The following GRID2 variants were observed in gnomAD, a reference collection of about 807,000 sequenced individuals.
GRID2 encodes the protein glutamate receptor ionotropic, delta-2.
In GRID2, 33 loss-of-function variants were observed where a neutral mutation model predicts 114.8. That is an observed-to-expected ratio of 0.29 (90% CI 0.22 to 0.38). The LOEUF is 0.38. Ranked by LOEUF, GRID2 falls within the 10% of genes least tolerant of loss-of-function variation. GRID2 has a pLI of 1.00. For missense variants in GRID2, 1,184 were observed against 1,257.7 expected, an observed-to-expected ratio of 0.94 and a Z score of 0.89; for synonymous variants, 505 against 449.9, an observed-to-expected ratio of 1.12 and a Z score of -1.55.
At chr4:93,351,395 G>T (rs893020188) in intron 8 of GRID2, among the ~76,000 whole-genome samples, 5 of 151,988 alleles carry the variant, frequency 3.3e-5, no homozygotes, top group African/African-American at 9.7e-5. Flanking sequence ...ATTGAAATTG[G>T]TAATAAAACA....
chr4:92,715,989 T>C (rs745607102), intron 2 of GRID2, among the ~76,000 whole-genome samples: 3 of 152,222 alleles, frequency 2.0e-5, no homozygotes, highest in Non-Finnish European at 4.4e-5. Flanking sequence ...TTGAGATGTT[T>C]TCTGTCATTA....
At chr4:93,069,669 G>A (rs555156521) in intron 2 of GRID2, among the ~76,000 whole-genome samples, 1 of 152,058 alleles carries the variant, frequency 6.6e-6, no homozygotes, top group African/African-American at 2.4e-5. Context: ...AAGGAGAAGA[G>A]AATAAGAGAG....
At chr4:92,470,569 A>G (rs1169219222) in intron 1 of GRID2, among the ~76,000 whole-genome samples, 1 of 151,990 alleles carries the variant, frequency 6.6e-6, no homozygotes, top group Non-Finnish European at 1.5e-5. Flanking sequence ...AAATTTTTGT[A>G]AGCATAAAAA....
chr4:93,723,267 A>G (rs920939364), intron 14 of GRID2, among the ~76,000 whole-genome samples: 8 of 152,234 alleles, frequency 5.3e-5, no homozygotes, highest in African/African-American at 1.9e-4. Flanking sequence ...GAATATTAGT[A>G]TTACCAAAAT....
intron 13 of GRID2, among the ~76,000 whole-genome samples, chr4:93,520,339 G>GAA (rs557186364): frequency 1.2e-3 from 172 of 147,616 alleles, no homozygotes; most frequent in African/African-American, 4.2e-3. Context: ...GGTAAGAATG[G>GAA]AAAAAAAAAA....
At chr4:92,848,856 G>T (rs1432372441) in intron 2 of GRID2, among the ~76,000 whole-genome samples, 1 of 151,892 alleles carries the variant, frequency 6.6e-6, no homozygotes, top group Non-Finnish European at 1.5e-5. Context: ...CAGGGGTGTA[G>T]CTGGGTATAA....
chr4:93,704,337 G>A (rs1727797521), intron 14 of GRID2, among the ~76,000 whole-genome samples: 1 of 152,050 alleles, frequency 6.6e-6, no homozygotes, highest in South Asian at 2.1e-4. Context: ...ACTTTTTGAT[G>A]GGGTTGTTTG....
intron 2 of GRID2, among the ~76,000 whole-genome samples, chr4:92,732,179 G>A (rs899413961): frequency 4.6e-5 from 7 of 151,854 alleles, no homozygotes; most frequent in African/African-American, 1.7e-4. Context: ...AATTTCATCA[G>A]GAGTAAATGT....
At chr4:92,906,313 C>T (rs1003154295) in intron 2 of GRID2, among the ~76,000 whole-genome samples, 1 of 150,616 alleles carries the variant, frequency 6.6e-6, no homozygotes, top group Non-Finnish European at 1.5e-5. Flanking sequence ...AACTGGTGTT[C>T]TTGCTGTGCT....
intron 1 of GRID2, among the ~76,000 whole-genome samples, chr4:92,580,893 T>G (rs1560470168): frequency 1.6e-5 from 2 of 128,194 alleles, no homozygotes; most frequent in East Asian, 2.4e-4. Context: ...CCTATTTGTT[T>G]TTTTTTTTTT....
At chr4:92,411,651 GTGTGTATATA>G (rs1731318919) in intron 1 of GRID2, among the ~76,000 whole-genome samples, 2 of 96,360 alleles carry the variant, frequency 2.1e-5, no homozygotes, top group Non-Finnish European at 4.1e-5. Context: ...GTGTGTGTGT[GTGTGTATATA>G]TATATATATA....
At chr4:92,918,358 G>A (rs1749001642) in intron 2 of GRID2, among the ~76,000 whole-genome samples, 1 of 152,038 alleles carries the variant, frequency 6.6e-6, no homozygotes, top group Non-Finnish European at 1.5e-5. Flanking sequence ...TCTCCTACCT[G>A]ATTGCCCTGG....
chr4:92,561,246 A>G (rs1319009397), intron 1 of GRID2, among the ~76,000 whole-genome samples: 2 of 152,220 alleles, frequency 1.3e-5, no homozygotes, highest in African/African-American at 2.4e-5. Context: ...AAAACTGAAC[A>G]TTTCTTAAAC....
At chr4:92,910,388 CTG>C (rs1748284927) in intron 2 of GRID2, among the ~76,000 whole-genome samples, 2 of 152,154 alleles carry the variant, frequency 1.3e-5, no homozygotes, top group African/African-American at 4.8e-5. Context: ...ATTACGATGT[CTG>C]TGGAGATTTA....
chr4:93,099,546 G>A (rs1731523551), intron 3 of GRID2, among the ~76,000 whole-genome samples: 2 of 151,748 alleles, frequency 1.3e-5, no homozygotes, highest in Admixed American at 6.6e-5. Flanking sequence ...GCATGGAAAT[G>A]GCTGTATCCA....
intron 14 of GRID2, among the ~76,000 whole-genome samples, chr4:93,725,567 C>T (rs1214804297): frequency 1.3e-5 from 2 of 151,462 alleles, no homozygotes. Flanking sequence ...ACACTGACTT[C>T]CACAATGGTT....
At chr4:92,802,282 T>G (rs1054970056) in intron 2 of GRID2, among the ~76,000 whole-genome samples, 5 of 151,926 alleles carry the variant, frequency 3.3e-5, no homozygotes, top group African/African-American at 1.2e-4. Flanking sequence ...ATTGATGTAC[T>G]TACATTGACA....
At position 92,602,288 on chromosome 4, in the gene GRID2, G is replaced by A. The variant is rs199557098; in HGVS notation, c.244+12002G>A. Among the ~76,000 whole-genome samples the A allele has an allele frequency of 5.3e-5, 8 of 151,198 alleles. No individual in the cohort carries two copies. The East Asian group carries it at 1.2e-3, about 22-fold the overall frequency. The stretch of plus-strand genomic sequence containing the variant: ...CAGGCCAGTATCCCTGATGAACATC[G>A]ATGTAAAAATCATCAATAAAATACT... On this transcript the variant is annotated intron_variant, in intron 2 of 15. Transcript: ENST00000282020.
At chr4:93,020,030 A>G (rs1323257275) in intron 2 of GRID2, among the ~76,000 whole-genome samples, 1 of 152,170 alleles carries the variant, frequency 6.6e-6, no homozygotes, top group Non-Finnish European at 1.5e-5. Context: ...TGGACATGAT[A>G]TTTGACTTCT....
Sources: gnomAD v4.1 joint callset for allele counts (sites outside exome capture counted in the v4.1 genomes callset) on GRCh38, gnomAD v4.1.1 for gene constraint, MANE v1.5 for transcripts, NCBI Gene and HGNC (gene_info 2026-07-23, HGNC 2026-07-21) for gene names.